Variants in YEATS4 observed in about 807,000 individuals in gnomAD.
YEATS4 encodes the protein YEATS domain containing 4.
Under a neutral mutation model 30.1 loss-of-function variants are expected in YEATS4, and 17 were observed. That is an observed-to-expected ratio of 0.56 (90% confidence interval 0.39 to 0.85). YEATS4 has a LOEUF of 0.85. Among genes scored for constraint, YEATS4 ranks in the 40% least tolerant of loss-of-function variants. The pLI is 0.00. For missense variants in YEATS4, 142 were observed against 268.3 expected (o/e 0.53, Z 3.29); for synonymous variants, 85 against 87.5 (o/e 0.97, Z 0.16).
chr12:69,420,997 A>T, the YEATS4 span, among the ~76,000 whole-genome samples: 1 of 152,178 alleles, frequency 6.6e-6, no homozygotes, highest in Non-Finnish European at 1.5e-5. Flanking sequence ...TTGACAAATA[A>T]TATTCCATTC....
chr12:69,390,091 C>G (rs991995514), intron 6 of YEATS4, 56 bp from the exon 7 acceptor site: 13 of 1,393,706 alleles, frequency 9.3e-6, no homozygotes, highest in Non-Finnish European at 1.3e-5. Context: ...ATTACCCTGT[C>G]ATATATCTTA....
the YEATS4 span, among the ~76,000 whole-genome samples, chr12:69,398,111 T>C: frequency 6.6e-6 from 1 of 152,194 alleles, no homozygotes; most frequent in Admixed American, 6.5e-5. Context: ...GGTAAAAGAC[T>C]GGATTCTTTC....
At chr12:69,421,716 AG>A in the YEATS4 span, among the ~76,000 whole-genome samples, 4 of 152,230 alleles carry the variant, frequency 2.6e-5, no homozygotes, top group Middle Eastern at 3.2e-3. Flanking sequence ...GCTTACAAGA[AG>A]GATACTCTGA....
At chr12:69,402,883 T>C in the YEATS4 span, among the ~76,000 whole-genome samples, 1 of 151,382 alleles carries the variant, frequency 6.6e-6, no homozygotes, top group East Asian at 1.9e-4. Flanking sequence ...CCACCACGCC[T>C]GGCTAATTTT....
the YEATS4 span, among the ~76,000 whole-genome samples, chr12:69,414,883 T>G: frequency 3.9e-5 from 6 of 152,246 alleles, no homozygotes; most frequent in Non-Finnish European, 5.9e-5. Flanking sequence ...TACGTGGCTT[T>G]CTTTCTCAGC....
At chr12:69,419,215 CT>C in the YEATS4 span, among the ~76,000 whole-genome samples, 1,114 of 116,574 alleles carry the variant, frequency 9.6e-3, 19 homozygotes, top group African/African-American at 0.028. Flanking sequence ...TCCTATTTTA[CT>C]TTTTTTTTTT....
chr12:69,402,479 G>A, the YEATS4 span, among the ~76,000 whole-genome samples: 1 of 152,050 alleles, frequency 6.6e-6, no homozygotes, highest in Non-Finnish European at 1.5e-5. Flanking sequence ...AAAGTCCCAG[G>A]ACTGCTCTGT....
intron 6 of YEATS4, among the ~76,000 whole-genome samples, chr12:69,374,113 G>C (rs1875750151): frequency 6.7e-6 from 1 of 149,608 alleles, no homozygotes; most frequent in Non-Finnish European, 1.5e-5. Context: ...TGGATCTTTT[G>C]TGGTTCCACA....
chr12:69,385,051 A>T (rs569057258), intron 6 of YEATS4, among the ~76,000 whole-genome samples: 1 of 152,256 alleles, frequency 6.6e-6, no homozygotes, highest in South Asian at 2.1e-4. Flanking sequence ...TCGCTCTGTC[A>T]CTCAGGCTGG....
chr12:69,376,633 CA>C (rs1182131423), intron 6 of YEATS4, among the ~76,000 whole-genome samples: 18 of 152,170 alleles, frequency 1.2e-4, no homozygotes, highest in Admixed American at 1.2e-3. Flanking sequence ...TGGATTTTTG[CA>C]TCAGTGTTCA....
chr12:69,370,647 C>T (rs911525275), intron 4 of YEATS4, 59 bp from the exon 5 acceptor site: 1 of 1,347,232 alleles, frequency 7.4e-7, no homozygotes, highest in African/African-American at 1.5e-5. Context: ...AAAAAAATGC[C>T]AGTATCTTAT....
chr12:69,401,732 A>G, the YEATS4 span, among the ~76,000 whole-genome samples: 1 of 152,232 alleles, frequency 6.6e-6, no homozygotes, highest in East Asian at 1.9e-4. Flanking sequence ...CATCCATTTC[A>G]GCCAGTAGGA....
chr12:69,380,505 C>T (rs1214820108), intron 6 of YEATS4, among the ~76,000 whole-genome samples: 2 of 152,204 alleles, frequency 1.3e-5, no homozygotes, highest in African/African-American at 4.8e-5. Flanking sequence ...AGGGATGACA[C>T]AAGCACCCCT....
chr12:69,404,647 T>A, the YEATS4 span, among the ~76,000 whole-genome samples: 70 of 152,160 alleles, frequency 4.6e-4, no homozygotes, highest in African/African-American at 1.7e-3. Flanking sequence ...ATGAGCGAAA[T>A]ATATGCCTTT....
At chr12:69,412,190 T>C in the YEATS4 span, among the ~76,000 whole-genome samples, 10 of 152,198 alleles carry the variant, frequency 6.6e-5, no homozygotes, top group African/African-American at 2.2e-4. Flanking sequence ...GCTGGGGTGC[T>C]GTGGCAACCA....
At chr12:69,409,094 G>T in the YEATS4 span, among the ~76,000 whole-genome samples, 1 of 152,098 alleles carries the variant, frequency 6.6e-6, no homozygotes, top group African/African-American at 2.4e-5. Flanking sequence ...ATTAGCATAG[G>T]GATTAACAGT....
downstream of YEATS4, among the ~76,000 whole-genome samples, chr12:69,395,763 G>A (rs1321293499): frequency 1.3e-5 from 2 of 152,170 alleles, no homozygotes; most frequent in Non-Finnish European, 2.9e-5. Flanking sequence ...TGTAAATGAT[G>A]TAAGGGACCA....
chr12:69,412,748 G>A, the YEATS4 span, among the ~76,000 whole-genome samples: 1 of 152,216 alleles, frequency 6.6e-6, no homozygotes, highest in East Asian at 1.9e-4. Flanking sequence ...AATCAGGCAA[G>A]TCAAGATTCG....
the YEATS4 span, among the ~76,000 whole-genome samples, chr12:69,424,916 A>G: frequency 2.6e-5 from 4 of 151,822 alleles, no homozygotes; most frequent in Admixed American, 2.0e-4. Context: ...TATATTTATT[A>G]TTTATTTATT....
Sources: allele counts gnomAD v4.1 joint callset (sites outside exome capture counted in the v4.1 genomes callset), GRCh38; gene constraint gnomAD v4.1.1; transcripts MANE v1.5; gene names NCBI Gene and HGNC (gene_info 2026-07-23, HGNC 2026-07-21).